The following DOT1L variants were observed in gnomAD, a reference collection of about 807,000 sequenced individuals.
The protein encoded by DOT1L is DOT1 like histone lysine methyltransferase, also known as histone-lysine N-methyltransferase, H3 lysine-79 specific.
In DOT1L, 33 loss-of-function variants were observed where a neutral mutation model predicts 153.3. The observed-to-expected ratio is 0.22, with a 90% CI of 0.16 to 0.29. The LOEUF (loss-of-function observed/expected upper bound fraction) is 0.29. Among genes scored for constraint, DOT1L ranks in the 10% least tolerant of loss-of-function variants. The pLI is 1.00. For synonymous variants in DOT1L, 1,135 were observed against 965.1 expected (o/e 1.18, Z -3.26); for missense variants, 1,847 against 2,119.9 (o/e 0.87, Z 2.53).
At position 2,217,530 on chromosome 19, in the gene DOT1L, G is replaced by A. The variant is rs934841236; in HGVS notation, c.2545-242G>A. On this transcript the variant is annotated intron_variant, in intron 21 of 27. Coordinates refer to ENST00000398665, the MANE Select transcript of DOT1L (RefSeq NM_032482.3). This position sits in a 1 kb window ranked among gnomAD's most constrained non-coding sequence, Gnocchi z 7.3. ...CCCACGGGTGACTGCCCACCGAGCC[G>A]GGCGGGCAGGCTGGAGGGGACAGAT... is the stretch of plus-strand genomic sequence containing the variant. 4.6e-5 allele frequency among the ~76,000 whole-genome samples: 7 copies of A among 152,130 alleles called. No individual in the cohort carries two copies. The highest frequency in any genetic ancestry group is 1.4e-4 in the African/African-American group (6 of 41,422).
At chr19:2,229,336 G>T in intron 27 of DOT1L, 2 of 985,442 alleles carry the variant, frequency 2.0e-6, no homozygotes, top group Non-Finnish European at 2.4e-6. Context: ...TGCCTCAGGG[G>T]CCCCTGGGAC....
chr19:2,189,082 C>G (rs1279665329), intron 3 of DOT1L, among the ~76,000 whole-genome samples: 1 of 152,146 alleles, frequency 6.6e-6, no homozygotes, highest in African/African-American at 2.4e-5. Context: ...TCACTGTGGA[C>G]CCTGCTGTGC....
At chr19:2,202,641 G>A (rs772315929) in intron 8 of DOT1L, 59 bp from the exon 9 acceptor site, 41 of 1,548,130 alleles carry the variant, frequency 2.6e-5, no homozygotes, top group Non-Finnish European at 3.5e-5. Flanking sequence ...TGGCTGCGCC[G>A]GGTGGCTGTG....
intron 2 of DOT1L, among the ~76,000 whole-genome samples, chr19:2,181,784 A>T (rs1176477881): frequency 1.4e-5 from 2 of 143,632 alleles, no homozygotes; most frequent in Admixed American, 1.4e-4. Context: ...CCCCAGCCCC[A>T]GCCCCAGCCC....
At chr19:2,182,105 T>C (rs2022268622) in intron 2 of DOT1L, among the ~76,000 whole-genome samples, 1 of 151,888 alleles carries the variant, frequency 6.6e-6, no homozygotes, top group African/African-American at 2.4e-5. Context: ...CAGGTGCCTA[T>C]AGTCCCAGCT....
At position 2,218,012 on chromosome 19, in the gene DOT1L, C is replaced by T; in HGVS notation, c.2691+94C>T. 3 of 1,506,344 alleles carry T rather than the reference C, an allele frequency of 2.0e-6. No homozygotes were observed. In the South Asian group the frequency reaches 3.8e-5, roughly 19 times the overall value. 93.3% of individuals were successfully genotyped at this position (1,506,344 alleles called of 1,614,324 possible). ...CTGGCTCACTTTGCGAAGTCTCACGCTGTAAAATGTCGAGCGTGAGGCAAT... is the reference window on the plus strand; with the variant it reads ...CTGGCTCACTTTGCGAAGTCTCACGTTGTAAAATGTCGAGCGTGAGGCAAT... On this transcript the variant is annotated intron_variant, in intron 22 of 27. Transcript: ENST00000398665.
chr19:2,178,232 ATTT>A (rs554757647), intron 1 of DOT1L, among the ~76,000 whole-genome samples: 1 of 124,994 alleles, frequency 8.0e-6, no homozygotes, highest in Non-Finnish European at 1.7e-5. Context: ...ATGCCTGGCC[ATTT>A]TTTTTTTTTT....
intron 1 of DOT1L, among the ~76,000 whole-genome samples, chr19:2,167,949 G>C (rs1039124416): frequency 6.6e-6 from 1 of 152,058 alleles, no homozygotes; most frequent in Non-Finnish European, 1.5e-5. Flanking sequence ...TGGCCAGGCT[G>C]GTCTCAAACT....
chr19:2,231,811 C>G lies in DOT1L; in HGVS notation c.*2019C>G, dbSNP rs375677700. 10 of 217,888 alleles carry G rather than the reference C, an allele frequency of 4.6e-5. No individual in the cohort carries two copies. Among genetic ancestry groups the G allele is most frequent in the African/African-American group, 2.0e-4 (9 of 44,432 alleles). 13.5% of individuals were successfully genotyped at this position (217,888 alleles called of 1,614,324 possible). On this transcript the variant is annotated 3_prime_UTR_variant, in exon 28 of 28. Transcript: ENST00000398665. ...CTCCCTCTAGGTGACAGTGGCAGTC[C>G]GGGTGCCATCACGGGTCCTGCAGAT...
intron 1 of DOT1L, among the ~76,000 whole-genome samples, chr19:2,177,957 C>G (rs2022030991): frequency 6.6e-6 from 1 of 150,834 alleles, no homozygotes; most frequent in Non-Finnish European, 1.5e-5. Context: ...GATTCTCACT[C>G]TGTATCCCAG....
At chr19:2,224,872 C>T (rs1181296373) in intron 25 of DOT1L, among the ~76,000 whole-genome samples, 2 of 152,200 alleles carry the variant, frequency 1.3e-5, no homozygotes, top group African/African-American at 4.8e-5. Flanking sequence ...TGGGATTGCT[C>T]AGCTTAGTGG....
chr19:2,178,368 G>GAAA, intron 1 of DOT1L, among the ~76,000 whole-genome samples: 1 of 85,856 alleles, frequency 1.2e-5, no homozygotes, highest in East Asian at 3.3e-4. Context: ...GTCTCTACCA[G>GAAA]AAAAAAAAAA....
Position 2,228,428 on chromosome 19 carries a change from GTCCT to G in DOT1L, c.4606+1307_4606+1310del, listed in dbSNP as rs1444362048. On this transcript the variant is annotated intron_variant, in intron 27 of 27. Coordinates refer to ENST00000398665, the MANE Select transcript of DOT1L (RefSeq NM_032482.3). Reference sequence around the variant, plus strand: ...GGTGGCTCACTCCAGACACTGAACTGTCCTTCCTTTGGCAGAGAAGACGGCCACA... The same window carrying G: ...GGTGGCTCACTCCAGACACTGAACTGTCCTTTGGCAGAGAAGACGGCCACA... 3.7e-5 allele frequency: 46 copies of G among 1,238,960 alleles called. No homozygotes were observed. The Middle Eastern group carries it at 7.2e-4, about 20-fold the overall frequency. The allele number at this position is 1,238,960 out of a possible 1,614,324, so 76.7% of individuals were successfully genotyped here. A position where few individuals can be genotyped will look rare whatever the true frequency, so the allele number is the denominator to read the frequency against.
intron 27 of DOT1L, chr19:2,229,032 A>T (rs915220792): frequency 2.3e-5 from 23 of 985,300 alleles, no homozygotes; most frequent in African/African-American, 1.7e-5. Context: ...TGATGGCCAC[A>T]CTGCCCTGTG....
chr19:2,164,380 C>G, intron 1 of DOT1L, 115 bp downstream of exon 1: 3 of 638,320 alleles, frequency 4.7e-6, no homozygotes, highest in Non-Finnish European at 6.6e-6. Flanking sequence ...GAACGGAGAC[C>G]CTGGACTCCA....
chr19:2,227,602 C>G (rs1015960319), intron 27 of DOT1L: 6 of 1,029,272 alleles, frequency 5.8e-6, no homozygotes, highest in Middle Eastern at 4.2e-4. Context: ...CTGGCCGAGC[C>G]GCTGCTTGTG....
Position 2,193,860 on chromosome 19 carries a change from C to T in DOT1L, c.588+77C>T. 1 of 1,466,830 alleles carries T rather than the reference C, an allele frequency of 6.8e-7. No homozygotes were observed. Among genetic ancestry groups the T allele is most frequent in the Middle Eastern group, 1.8e-4 (1 of 5,668 alleles). 90.9% of individuals were successfully genotyped at this position (1,466,830 alleles called of 1,614,324 possible). A position where few individuals can be genotyped will look rare whatever the true frequency, so the allele number is the denominator to read the frequency against. On this transcript the variant is annotated intron_variant, in intron 6 of 27. Coordinates refer to ENST00000398665, the MANE Select transcript of DOT1L (RefSeq NM_032482.3). This position sits in a 1 kb window ranked among gnomAD's most constrained non-coding sequence, Gnocchi z 5.9. ...AAGTGACGCCCTGGGTGCCTGCACCCCACTGCTGTGGGACTTCCGAGTCTG... is the reference window on the plus strand; with the variant it reads ...AAGTGACGCCCTGGGTGCCTGCACCTCACTGCTGTGGGACTTCCGAGTCTG...
intron 12 of DOT1L, among the ~76,000 whole-genome samples, chr19:2,209,996 A>G: frequency 6.6e-6 from 1 of 152,160 alleles, no homozygotes; most frequent in Non-Finnish European, 1.5e-5. Context: ...ATGGCGTCCC[A>G]TGTGTGGGCC....
At chr19:2,192,150 A>G (rs1444683349) in intron 5 of DOT1L, among the ~76,000 whole-genome samples, 2 of 151,978 alleles carry the variant, frequency 1.3e-5, no homozygotes, top group Non-Finnish European at 2.9e-5. Flanking sequence ...CCCCCTTTCC[A>G]CAGTCCTGGC....
Sources: gnomAD v4.1 joint callset for allele counts (sites outside exome capture counted in the v4.1 genomes callset) on GRCh38, gnomAD v4.1.1 for gene constraint, Gnocchi (gnomAD v3.1) non-coding constraint, MANE v1.5 for transcripts, NCBI Gene and HGNC (gene_info 2026-07-23, HGNC 2026-07-21) for gene names.